Variants in RBFOX1 observed in about 807,000 individuals in gnomAD.
The protein encoded by RBFOX1 is RNA binding protein fox-1 homolog 1.
A neutral mutation model predicts 57.7 loss-of-function variants in RBFOX1; 8 were observed. The observed-to-expected ratio is 0.14, with a 90% CI of 0.08 to 0.25. The LOEUF (loss-of-function observed/expected upper bound fraction) is 0.25, where lower values mean the gene tolerates loss of function less well. RBFOX1 is among the 10% of genes least tolerant of loss of function. The probability of loss-of-function intolerance (pLI) is 1.00; values close to 1 mark genes in which losing one functional copy is unlikely to be tolerated. For synonymous variants in RBFOX1, 326 were observed against 222.4 expected (o/e 1.47, Z -4.15); for missense variants, 611 against 548.5 (o/e 1.11, Z -1.14).
At chr16:7,193,562 C>G (rs1288863135) in intron 4 of RBFOX1, among the ~76,000 whole-genome samples, 2 of 152,200 alleles carry the variant, frequency 1.3e-5, no homozygotes, top group African/African-American at 4.8e-5. Context: ...GCCAGATGCT[C>G]TTATGAGCAT....
chr16:5,435,279 G>T (rs114823137), intron 1 of RBFOX1, among the ~76,000 whole-genome samples: 2,098 of 152,250 alleles, frequency 0.014, 57 homozygotes, highest in African/African-American at 0.047. Context: ...GCTGGTGTGG[G>T]TTTCCTCTGC....
In RBFOX1 at chr16:5,881,044, G is replaced by T. The variant is rs113531071; in HGVS notation, c.351+13709G>T. ...GTACTTGTAATACTACTGCAATGTT[G>T]TGTCTTATATTTAAAGGGAGTGCTA... is the stretch of plus-strand genomic sequence containing the variant. On this transcript the variant is annotated intron_variant, in intron 4 of 19. Transcript: ENST00000641259. 1.5e-3 allele frequency among the ~76,000 whole-genome samples: 233 copies of T among 152,304 alleles called. 2 individuals are homozygous for T. Among genetic ancestry groups the T allele is most frequent in the Admixed American group, 3.4e-3 (52 of 15,296 alleles).
rs115326468 is a variant in RBFOX1 at position 7,672,909 on chromosome 16, G to A, written c.931-3865G>A. ...AAAAAGAACATATAGATAAATTAGG[G>A]AGATAAATTTTTCATTTTAAAATGT... On this transcript the variant is annotated intron_variant, in intron 13 of 15. Transcript: ENST00000550418. Among the ~76,000 whole-genome samples, 742 of 129,832 alleles carry A rather than the reference G, an allele frequency of 5.7e-3. 7 individuals are homozygous for A. The highest frequency in any genetic ancestry group is 0.021 in the African/African-American group (711 of 33,444). 85.2% of individuals were successfully genotyped at this position (129,832 alleles called of 152,430 possible).
chr16:6,196,001 C>T (rs902593114), intron 1 of RBFOX1, among the ~76,000 whole-genome samples: 3 of 152,150 alleles, frequency 2.0e-5, no homozygotes, highest in Admixed American at 6.5e-5. Flanking sequence ...ATCATAAAGA[C>T]TAGGAGTACT....
At chr16:6,173,496 G>A (rs763076954) in intron 1 of RBFOX1, among the ~76,000 whole-genome samples, 3 of 151,756 alleles carry the variant, frequency 2.0e-5, no homozygotes, top group Non-Finnish European at 4.4e-5. Flanking sequence ...ACTCACCAGT[G>A]GATATTGTTT....
At chr16:5,687,803 G>T (rs1016792299) in intron 3 of RBFOX1, among the ~76,000 whole-genome samples, 1 of 152,116 alleles carries the variant, frequency 6.6e-6, no homozygotes, top group African/African-American at 2.4e-5. Flanking sequence ...GAAGTACCGG[G>T]TATGTATGGT....
intron 3 of RBFOX1, among the ~76,000 whole-genome samples, chr16:6,690,398 G>C (rs1387655292): frequency 1.3e-5 from 2 of 151,832 alleles, no homozygotes; most frequent in African/African-American, 4.8e-5. Context: ...TTCATATAAA[G>C]GGCCATCACA....
chr16:6,040,339 A>T (rs2095422600), intron 1 of RBFOX1, among the ~76,000 whole-genome samples: 1 of 152,182 alleles, frequency 6.6e-6, no homozygotes, highest in Non-Finnish European at 1.5e-5. Flanking sequence ...GAAACTCTGT[A>T]CCCATTAAAA....
At chr16:7,562,023 A>G (rs887707103) in intron 5 of RBFOX1, among the ~76,000 whole-genome samples, 1 of 152,184 alleles carries the variant, frequency 6.6e-6, no homozygotes, top group African/African-American at 2.4e-5. Flanking sequence ...GATGAGGAAA[A>G]AAAAAATACT....
intron 4 of RBFOX1, among the ~76,000 whole-genome samples, chr16:7,377,207 A>G (rs74010690): frequency 0.015 from 2,316 of 152,280 alleles, 62 homozygotes; most frequent in African/African-American, 0.053. Context: ...GTTCTATTCC[A>G]TTCATGGAGA....
intron 4 of RBFOX1, among the ~76,000 whole-genome samples, chr16:7,136,688 A>G (rs1158776879): frequency 6.6e-6 from 1 of 152,096 alleles, no homozygotes; most frequent in African/African-American, 2.4e-5. Flanking sequence ...AAGTGTTGGG[A>G]TTACGGGTGT....
chr16:7,214,339 G>A (rs1018635197), intron 4 of RBFOX1, among the ~76,000 whole-genome samples: 1 of 152,070 alleles, frequency 6.6e-6, no homozygotes, highest in Admixed American at 6.5e-5. Context: ...TTTCCCTGTA[G>A]ATCCCTACTT....
chr16:6,374,625 T>C (rs1389249755), intron 2 of RBFOX1, among the ~76,000 whole-genome samples: 2 of 152,208 alleles, frequency 1.3e-5, no homozygotes, highest in Non-Finnish European at 2.9e-5. Flanking sequence ...TGAAAATGTC[T>C]TTTTTCCACA....
intron 1 of RBFOX1, among the ~76,000 whole-genome samples, chr16:6,140,268 T>G (rs2096705452): frequency 6.6e-6 from 1 of 151,912 alleles, no homozygotes; most frequent in African/African-American, 2.4e-5. Context: ...CTTGGCTCAC[T>G]GCAGCCTCCA....
intron 4 of RBFOX1, among the ~76,000 whole-genome samples, chr16:7,202,122 A>C (rs1697449493): frequency 6.6e-6 from 1 of 151,594 alleles, no homozygotes; most frequent in African/African-American, 2.4e-5. Flanking sequence ...AACCACAGCA[A>C]TATAAACAAC....
intron 1 of RBFOX1, among the ~76,000 whole-genome samples, chr16:6,101,708 G>C (rs779112655): frequency 6.6e-6 from 1 of 152,142 alleles, no homozygotes; most frequent in Non-Finnish European, 1.5e-5. Context: ...GATCACCTGA[G>C]GTCAGGAATT....
At chr16:6,120,252 T>A (rs1208346034) in intron 1 of RBFOX1, among the ~76,000 whole-genome samples, 1 of 152,208 alleles carries the variant, frequency 6.6e-6, no homozygotes, top group African/African-American at 2.4e-5. Context: ...GGAGAAGTAT[T>A]TGTTTGAGTA....
chr16:6,527,647 C>G (rs752764556), intron 2 of RBFOX1, among the ~76,000 whole-genome samples: 5 of 152,112 alleles, frequency 3.3e-5, no homozygotes, highest in Admixed American at 2.6e-4. Flanking sequence ...GAGGACTGGT[C>G]TTGATTGTGT....
At chr16:7,423,413 C>T (rs1404574654) in intron 4 of RBFOX1, among the ~76,000 whole-genome samples, 1 of 151,772 alleles carries the variant, frequency 6.6e-6, no homozygotes, top group African/African-American at 2.4e-5. Flanking sequence ...AGCTGTCATA[C>T]TAAAAGATAT....
Sources: gnomAD v4.1 joint callset for allele counts (sites outside exome capture counted in the v4.1 genomes callset) on GRCh38, gnomAD v4.1.1 for gene constraint, MANE v1.5 for transcripts, NCBI Gene and HGNC (gene_info 2026-07-23, HGNC 2026-07-21) for gene names.